The following AFF2 variants were observed in gnomAD, a reference collection of about 807,000 sequenced individuals.
AFF2 encodes the protein ALF transcription elongation factor 2.
In AFF2, 14 loss-of-function variants were observed where a neutral mutation model predicts 76.9. The observed-to-expected ratio is 0.18, with a 90% CI of 0.12 to 0.28. The LOEUF (loss-of-function observed/expected upper bound fraction) is 0.28, where lower values mean the gene tolerates loss of function less well. Ranked by LOEUF, AFF2 falls within the 10% of genes least tolerant of loss-of-function variation. The pLI, the probability that AFF2 is intolerant of heterozygous loss-of-function variation, is 1.00. For synonymous variants in AFF2, 398 were observed against 366.7 expected (o/e 1.09, Z -0.98); for missense variants, 868 against 1,001.1 (o/e 0.87, Z 1.79).
chrX:148,717,190 C>T (rs1054558167), intron 3 of AFF2, among the ~76,000 whole-genome samples: 1 of 111,769 alleles, frequency 8.9e-6, no homozygotes, highest in East Asian at 2.8e-4. Flanking sequence ...AACGAATACA[C>T]AAAATATGGT....
At chrX:148,549,478 C>T (rs781901758) in intron 1 of AFF2, among the ~76,000 whole-genome samples, 2 of 111,730 alleles carry the variant, frequency 1.8e-5, no homozygotes, top group Non-Finnish European at 3.8e-5. Flanking sequence ...CCCTCAGTCC[C>T]GTCTCTTCTG....
chrX:148,906,034 C>T (rs1420437535), intron 9 of AFF2, among the ~76,000 whole-genome samples: 1 of 111,756 alleles, frequency 8.9e-6, no homozygotes, highest in Non-Finnish European at 1.9e-5. Flanking sequence ...TCATAACCAA[C>T]TGGTAGGTGT....
At chrX:148,744,655 C>G (rs1473940239) in intron 3 of AFF2, among the ~76,000 whole-genome samples, 2 of 111,956 alleles carry the variant, frequency 1.8e-5, no homozygotes, top group Admixed American at 1.9e-4. Flanking sequence ...ATTCATCCAT[C>G]ATTGGTGACA....
At chrX:148,842,442 T>C (rs2070612042) in intron 5 of AFF2, among the ~76,000 whole-genome samples, 1 of 112,894 alleles carries the variant, frequency 8.9e-6, no homozygotes, top group Middle Eastern at 4.6e-3. Flanking sequence ...ACTTCTTATA[T>C]ATAAAATGAG....
chrX:148,967,138 C>A, intron 14 of AFF2, 59 bp downstream of exon 14: 1 of 1,183,476 alleles, frequency 8.4e-7, no homozygotes, highest in Non-Finnish European at 1.1e-6. Context: ...GTGGGGGTAG[C>A]ATGGCTTTTC....
intron 1 of AFF2, among the ~76,000 whole-genome samples, chrX:148,544,432 C>G (rs782104910): frequency 5.4e-5 from 6 of 111,486 alleles, no homozygotes; most frequent in African/African-American, 1.6e-4. Context: ...CTCTCTCTCT[C>G]TGTCTCTGAT....
At chrX:148,665,123 A>G (rs2054345069) in intron 3 of AFF2, among the ~76,000 whole-genome samples, 1 of 112,142 alleles carries the variant, frequency 8.9e-6, no homozygotes, top group Non-Finnish European at 1.9e-5. Context: ...GCCTGTTTCC[A>G]TACCTCATTA....
rs151339705 is a variant in AFF2 at position 148,985,285 on chromosome X, C to CTTTTTTTTTTTTTTTTT, written c.3624-2064_3624-2048dup. On this transcript the variant is annotated intron_variant, in intron 19 of 20. Coordinates refer to ENST00000370460, the MANE Select transcript of AFF2 (RefSeq NM_002025.4). ...ACAGGCATGAGCCCCTGTGCCTGGC[C>CTTTTTTTTTTTTTTTTT]TTTTTTTTTTTTTTTTTTTTTTTTT... is the stretch of plus-strand genomic sequence containing the variant. Among the ~76,000 whole-genome samples, 8 of 15,387 alleles carry CTTTTTTTTTTTTTTTTT rather than the reference C, an allele frequency of 5.2e-4. 3 individuals are homozygous for CTTTTTTTTTTTTTTTTT. The highest frequency in any genetic ancestry group is 4.1e-4 in the African/African-American group (2 of 4,889). The allele number at this position is 15,387 out of a possible 115,157, so 13.4% of individuals were successfully genotyped here. A position where few individuals can be genotyped will look rare whatever the true frequency, so the allele number is the denominator to read the frequency against.
intron 1 of AFF2, among the ~76,000 whole-genome samples, chrX:148,590,124 A>G (rs2053509048): frequency 9.4e-6 from 1 of 106,229 alleles, no homozygotes; most frequent in East Asian, 3.0e-4. Flanking sequence ...CGCAGTTGGA[A>G]AGACATTAAA....
At chrX:148,558,666 TAAAA>T (rs2053078814) in intron 1 of AFF2, among the ~76,000 whole-genome samples, 1 of 111,910 alleles carries the variant, frequency 8.9e-6, no homozygotes. Flanking sequence ...CACTGTAATG[TAAAA>T]ATTATAGCCT....
At position 148,501,097 on chromosome X, in the gene AFF2, T is replaced by C; in HGVS notation, c.-1T>C. The stretch of plus-strand genomic sequence containing the variant: ...CCGCCCGCCGCCGCCGCCTGGCCGC[T>C]ATGGATCTATTCGACTTTTTCAGAG... On this transcript the variant is annotated 5_prime_UTR_variant, in exon 1 of 21. Coordinates refer to ENST00000370460, the MANE Select transcript of AFF2 (RefSeq NM_002025.4). The C allele has an allele frequency of 8.3e-7, 1 of 1,210,111 alleles. No individual in the cohort carries two copies. Among genetic ancestry groups the C allele is most frequent in the Non-Finnish European group, 1.1e-6 (1 of 894,583 alleles).
At chrX:148,975,395 C>T (rs183976957) in intron 16 of AFF2, among the ~76,000 whole-genome samples, 45 of 111,961 alleles carry the variant, frequency 4.0e-4, no homozygotes, top group African/African-American at 1.4e-3. Flanking sequence ...TACTTTGCAG[C>T]GATTGAAATA....
intron 4 of AFF2, among the ~76,000 whole-genome samples, chrX:148,814,790 A>G (rs2070245040): frequency 9.0e-6 from 1 of 111,708 alleles, no homozygotes; most frequent in African/African-American, 3.2e-5. Flanking sequence ...TTGTTATTTT[A>G]TTTTTATTTT....
At chrX:148,773,685 G>GAAAGAAAGAAAGAAAGAAAGAAA (rs2069621002) in intron 3 of AFF2, among the ~76,000 whole-genome samples, 1 of 51,442 alleles carries the variant, frequency 1.9e-5, no homozygotes, top group African/African-American at 8.8e-5. Flanking sequence ...AAGGAAGGAA[G>GAAAGAAAGAAAGAAAGAAAGAAA]GAAAGAAAGA....
chrX:148,947,308 T>C (rs1268094439), intron 9 of AFF2, among the ~76,000 whole-genome samples: 3 of 112,171 alleles, frequency 2.7e-5, no homozygotes, highest in African/African-American at 9.7e-5. Context: ...TATTTGATTG[T>C]GACTTGCTTG....
intron 9 of AFF2, among the ~76,000 whole-genome samples, chrX:148,927,768 T>G (rs1787549691): frequency 8.9e-6 from 1 of 112,137 alleles, no homozygotes; most frequent in Non-Finnish European, 1.9e-5. Flanking sequence ...AAACTCCCTA[T>G]TTTTGGAGAT....
intron 3 of AFF2, among the ~76,000 whole-genome samples, chrX:148,748,218 C>A (rs943830286): frequency 8.9e-6 from 1 of 112,299 alleles, no homozygotes; most frequent in Non-Finnish European, 1.9e-5. Context: ...ATTGACTTCT[C>A]ACTTTACACT....
chrX:148,901,399 C>T (rs993891919), intron 8 of AFF2, among the ~76,000 whole-genome samples: 11 of 112,098 alleles, frequency 9.8e-5, no homozygotes, highest in African/African-American at 3.6e-4. Flanking sequence ...AGCATATAGA[C>T]GTTATAAATT....
At chrX:148,845,458 A>G (rs1425176445) in intron 7 of AFF2, among the ~76,000 whole-genome samples, 3 of 112,204 alleles carry the variant, frequency 2.7e-5, no homozygotes, top group Non-Finnish European at 5.6e-5. Context: ...AAACTAGAAG[A>G]CACTGAGTCC....
Sources: allele counts gnomAD v4.1 joint callset (sites outside exome capture counted in the v4.1 genomes callset), GRCh38; gene constraint gnomAD v4.1.1; transcripts MANE v1.5; gene names NCBI Gene and HGNC (gene_info 2026-07-23, HGNC 2026-07-21).